The following EPHB1 variants were observed in gnomAD, a reference collection of about 807,000 sequenced individuals.
The protein encoded by EPHB1 is ephrin type-B receptor 1.
Under a neutral mutation model 94.4 loss-of-function variants are expected in EPHB1, and 30 were observed. That is an observed-to-expected ratio of 0.32 (90% CI 0.24 to 0.43). The LOEUF is 0.43. Among genes scored for constraint, EPHB1 ranks in the 20% least tolerant of loss-of-function variants. EPHB1 has a pLI of 1.00. For missense variants in EPHB1, 1,055 were observed against 1,308.3 expected, an observed-to-expected ratio of 0.81 and a Z score of 2.99; for synonymous variants, 522 against 489.1, an observed-to-expected ratio of 1.07 and a Z score of -0.89.
chr3:135,214,284 C>G (rs1407034846), intron 12 of EPHB1, among the ~76,000 whole-genome samples: 1 of 152,196 alleles, frequency 6.6e-6, no homozygotes, highest in African/African-American at 2.4e-5. Context: ...TCACATGCTG[C>G]CCTGGTGGTT....
chr3:135,173,718 T>C (rs1217535516), intron 9 of EPHB1, among the ~76,000 whole-genome samples: 2 of 152,146 alleles, frequency 1.3e-5, no homozygotes, highest in African/African-American at 4.8e-5. Flanking sequence ...CCCGTGTGCC[T>C]CCCAAACCCA....
intron 9 of EPHB1, among the ~76,000 whole-genome samples, chr3:135,175,331 A>G (rs1169116447): frequency 6.6e-6 from 1 of 152,220 alleles, no homozygotes; most frequent in Non-Finnish European, 1.5e-5. Flanking sequence ...ACTCCATTCC[A>G]TGCAACAAGG....
chr3:134,922,897 T>C (rs542879364), intron 1 of EPHB1, among the ~76,000 whole-genome samples: 30 of 152,342 alleles, frequency 2.0e-4, no homozygotes, highest in African/African-American at 7.0e-4. Flanking sequence ...GATTCCCAAC[T>C]CCGCCACAAG....
At chr3:135,100,439 A>G (rs1938995791) in intron 3 of EPHB1, among the ~76,000 whole-genome samples, 1 of 152,174 alleles carries the variant, frequency 6.6e-6, no homozygotes, top group Non-Finnish European at 1.5e-5. Flanking sequence ...GCTCCAATAA[A>G]GATTAGATGG....
intron 1 of EPHB1, among the ~76,000 whole-genome samples, chr3:134,822,474 A>G (rs2108290398): frequency 6.6e-6 from 1 of 152,272 alleles, no homozygotes; most frequent in Non-Finnish European, 1.5e-5. Context: ...TTTATTTTTC[A>G]TTCCCATTGC....
intron 1 of EPHB1, among the ~76,000 whole-genome samples, chr3:134,884,577 T>A (rs1423302450): frequency 6.6e-6 from 1 of 152,190 alleles, no homozygotes; most frequent in Non-Finnish European, 1.5e-5. Context: ...ATCAGACACA[T>A]TTCTGTTAGT....
At chr3:135,179,404 C>T (rs1942087075) in intron 9 of EPHB1, among the ~76,000 whole-genome samples, 1 of 152,156 alleles carries the variant, frequency 6.6e-6, no homozygotes, top group African/African-American at 2.4e-5. Flanking sequence ...CTCTTACAGC[C>T]CTGCACCACA....
chr3:135,043,283 A>G (rs961814195), intron 3 of EPHB1, among the ~76,000 whole-genome samples: 9 of 151,112 alleles, frequency 6.0e-5, no homozygotes. Flanking sequence ...AATAGTAATA[A>G]TAATAATAAT....
chr3:134,923,585 C>T (rs933950001), intron 1 of EPHB1, among the ~76,000 whole-genome samples: 2 of 152,188 alleles, frequency 1.3e-5, no homozygotes, highest in Admixed American at 1.3e-4. Flanking sequence ...CCCCTGTGTC[C>T]TGGACAGGCT....
intron 12 of EPHB1, among the ~76,000 whole-genome samples, chr3:135,206,133 T>A (rs912838722): frequency 6.6e-6 from 1 of 152,216 alleles, no homozygotes; most frequent in African/African-American, 2.4e-5. Flanking sequence ...AGCATGTGCT[T>A]TTTTGCATCT....
At chr3:134,986,812 A>G (rs754932009) in intron 3 of EPHB1, among the ~76,000 whole-genome samples, 5 of 152,166 alleles carry the variant, frequency 3.3e-5, no homozygotes, top group Non-Finnish European at 5.9e-5. Flanking sequence ...AGGTCAGCTT[A>G]ACACCAACAA....
chr3:134,989,502 C>CACAG (rs770300442), intron 3 of EPHB1, among the ~76,000 whole-genome samples: 75 of 151,640 alleles, frequency 4.9e-4, no homozygotes, highest in Admixed American at 1.5e-3. Flanking sequence ...CGCGTGCACA[C>CACAG]ACACACACAC....
chr3:135,106,406 C>A (rs371187798), intron 3 of EPHB1, 42 bp from the exon 4 acceptor site: 6 of 1,607,940 alleles, frequency 3.7e-6, no homozygotes, highest in Non-Finnish European at 5.1e-6. Context: ...TTTCTGGCTG[C>A]CACACTTCCA....
At chr3:135,008,246 A>G (rs1559792978) in intron 3 of EPHB1, among the ~76,000 whole-genome samples, 1 of 152,248 alleles carries the variant, frequency 6.6e-6, no homozygotes, top group African/African-American at 2.4e-5. Flanking sequence ...AAACATATAC[A>G]TAGTGCTTAC....
chr3:134,944,664 A>G (rs2039182505), intron 2 of EPHB1, among the ~76,000 whole-genome samples: 1 of 152,194 alleles, frequency 6.6e-6, no homozygotes, highest in African/African-American at 2.4e-5. Flanking sequence ...TGTATTGTCC[A>G]AAGGCCAGTG....
chr3:134,812,559 T>A (rs886544144), intron 1 of EPHB1, among the ~76,000 whole-genome samples: 1 of 152,364 alleles, frequency 6.6e-6, no homozygotes, highest in East Asian at 1.9e-4. Flanking sequence ...TAATTAAAGC[T>A]ACTGTGAATA....
rs113299034 is a variant in EPHB1, at chr3:134,959,798, G to A, written c.805+7746G>A. Reference sequence around the variant, plus strand: ...GAGGGAAGGAAGGGAGCTGTGGACTGGGGGATTGTGTTTCTCTTATTTGTA... The same window carrying A: ...GAGGGAAGGAAGGGAGCTGTGGACTAGGGGATTGTGTTTCTCTTATTTGTA... On this transcript the variant is annotated intron_variant, in intron 3 of 15. Coordinates refer to ENST00000398015, the MANE Select transcript of EPHB1 (RefSeq NM_004441.5). Among the ~76,000 whole-genome samples the A allele has an allele frequency of 9.2e-3, 1,406 of 152,158 alleles. 28 individuals are homozygous for A. The highest frequency in any genetic ancestry group is 0.032 in the African/African-American group (1,341 of 41,512).
chr3:134,940,195 A>C (rs1194647799), intron 2 of EPHB1, among the ~76,000 whole-genome samples: 3 of 152,170 alleles, frequency 2.0e-5, no homozygotes, highest in African/African-American at 7.2e-5. Flanking sequence ...GATGATTTCC[A>C]CACCCTGGTG....
At chr3:134,800,015 G>A (rs1255444952) in intron 1 of EPHB1, among the ~76,000 whole-genome samples, 2 of 152,080 alleles carry the variant, frequency 1.3e-5, no homozygotes, top group Non-Finnish European at 2.9e-5. Flanking sequence ...TTGTGAACTC[G>A]GGGCAATGAA....
Sources: allele counts gnomAD v4.1 joint callset (sites outside exome capture counted in the v4.1 genomes callset), GRCh38; gene constraint gnomAD v4.1.1; transcripts MANE v1.5; gene names NCBI Gene and HGNC (gene_info 2026-07-23, HGNC 2026-07-21).